SYNE2: variants seen among roughly 807,000 people sequenced by gnomAD.
The protein encoded by SYNE2 is nesprin-2.
Under a neutral mutation model 856.3 loss-of-function variants are expected in SYNE2, and 431 were observed. That is an observed-to-expected ratio of 0.50 (90% CI 0.47 to 0.55). The LOEUF (loss-of-function observed/expected upper bound fraction) is 0.55, where lower values mean the gene tolerates loss of function less well. Ranked by LOEUF, SYNE2 falls within the 20% of genes least tolerant of loss-of-function variation. The pLI is 0.00. For synonymous variants in SYNE2, 2,923 were observed against 2,872.3 expected (o/e 1.02, Z -0.56); for missense variants, 8,129 against 8,023.2 (o/e 1.01, Z -0.50).
chr14:63,993,737 C>A, intron 21 of SYNE2, 98 bp from the exon 22 acceptor site: 1 of 1,068,416 alleles, frequency 9.4e-7, no homozygotes, highest in Non-Finnish European at 1.4e-6. Context: ...TCCCACTTTA[C>A]CAGTTAAAGA....
intron 25 of SYNE2, 51 bp downstream of exon 25, chr14:63,997,442 A>G: frequency 2.9e-6 from 4 of 1,383,334 alleles, no homozygotes; most frequent in Non-Finnish European, 4.1e-6. Flanking sequence ...GTAAAAGACC[A>G]AGTGTACAAT....
intron 71 of SYNE2, among the ~76,000 whole-genome samples, chr14:64,126,024 C>G (rs1206046396): frequency 6.6e-6 from 1 of 152,192 alleles, no homozygotes; most frequent in Non-Finnish European, 1.5e-5. Flanking sequence ...TGTAATTTAT[C>G]TGGGACCACA....
At chr14:64,146,012 A>G (rs1481671299) in intron 83 of SYNE2, 56 bp from the exon 84 acceptor site, 2 of 1,305,374 alleles carry the variant, frequency 1.5e-6, no homozygotes, top group East Asian at 5.1e-5. Context: ...ACGTCATGGC[A>G]TTTACCTTTT....
intron 1 of SYNE2, among the ~76,000 whole-genome samples, chr14:63,854,065 C>A (rs1285494644): frequency 1.3e-5 from 2 of 151,896 alleles, no homozygotes; most frequent in East Asian, 3.9e-4. Context: ...TGAAAGGGAG[C>A]GTCTGAGCTG....
At chr14:64,204,201 G>A (rs1033919461) in intron 100 of SYNE2, among the ~76,000 whole-genome samples, 8 of 152,276 alleles carry the variant, frequency 5.3e-5, no homozygotes, top group South Asian at 4.1e-4. Context: ...TTTGCTTTGT[G>A]CAGAAAAGAA....
chr14:63,891,178 G>A (rs1336029068), intron 1 of SYNE2, among the ~76,000 whole-genome samples: 7 of 152,132 alleles, frequency 4.6e-5, no homozygotes, highest in Admixed American at 4.6e-4. Flanking sequence ...ACCCTCCTAG[G>A]TTCAGTGGCT....
At chr14:64,078,404 G>A (rs979852159) in intron 54 of SYNE2, 62 bp from the exon 55 acceptor site, 8 of 1,605,054 alleles carry the variant, frequency 5.0e-6, no homozygotes, top group East Asian at 2.2e-5. Context: ...TTTGTTGTTC[G>A]AACCTATGAA....
intron 1 of SYNE2, among the ~76,000 whole-genome samples, chr14:63,829,356 G>A (rs1889582556): frequency 6.6e-6 from 1 of 152,056 alleles, no homozygotes. Context: ...GGTCAAGGTT[G>A]CAGTGAGCCA....
rs946386688 is a variant in SYNE2, at chr14:64,129,883, G to T, written c.14121G>T (p.Gln4707His). The change falls in exon 75 of 116, where the codon CAG (glutamine) becomes CAT (histidine). Residue 4707 changes from glutamine to histidine, a missense_variant. Coordinates refer to ENST00000555002, the MANE Select transcript of SYNE2 (RefSeq NM_182914.3). ...TTCATTTACCTTATGCTTTACTCCA[G>T]GAGGTTTACAAATTAGAGGTATGCC... ...ERLHLPYALLQEVYKLEDVLD... is the reference protein window; with the variant it reads ...ERLHLPYALLHEVYKLEDVLD... 6.2e-7 allele frequency: 1 copy of T among 1,614,140 alleles called. No homozygotes were observed. The highest frequency in any genetic ancestry group is 1.7e-5 in the Admixed American group (1 of 60,016).
At chr14:63,953,074 G>A (rs759745302) in intron 7 of SYNE2, among the ~76,000 whole-genome samples, 61 of 152,342 alleles carry the variant, frequency 4.0e-4, no homozygotes, top group Admixed American at 5.9e-4. Context: ...TGGGGAATGA[G>A]TCTACAGTGG....
chr14:64,132,028 G>T (rs558757783), intron 76 of SYNE2, among the ~76,000 whole-genome samples: 6 of 151,932 alleles, frequency 3.9e-5, no homozygotes, highest in Non-Finnish European at 7.4e-5. Context: ...CCGCCTCCCG[G>T]GTTCAAATGA....
chr14:63,762,390 G>A (rs1166360500), intron 1 of SYNE2, among the ~76,000 whole-genome samples: 12 of 147,062 alleles, frequency 8.2e-5, no homozygotes, highest in African/African-American at 2.8e-4. Flanking sequence ...AGCTGAGACC[G>A]TGCCATTGCA....
At chr14:63,820,750 CTT>C (rs201007276) in intron 1 of SYNE2, among the ~76,000 whole-genome samples, 276 of 140,326 alleles carry the variant, frequency 2.0e-3, no homozygotes, top group Non-Finnish European at 2.4e-3. Context: ...CACAGGAGAA[CTT>C]TTTTTTTTTT....
chr14:63,980,882 G>T, intron 15 of SYNE2, 104 bp from the exon 16 acceptor site: 1 of 1,050,424 alleles, frequency 9.5e-7, no homozygotes. Flanking sequence ...TATTGTCAGA[G>T]TACATATTAT....
intron 1 of SYNE2, among the ~76,000 whole-genome samples, chr14:63,776,050 G>A (rs1489473819): frequency 6.6e-6 from 1 of 152,150 alleles, no homozygotes; most frequent in African/African-American, 2.4e-5. Context: ...GACTTTAAAT[G>A]AATGTTTATT....
intron 80 of SYNE2, 115 bp from the exon 81 acceptor site, chr14:64,141,226 G>A (rs1380420247): frequency 1.2e-4 from 95 of 773,756 alleles, no homozygotes; most frequent in Non-Finnish European, 1.6e-4. Context: ...GTGTGTGTGT[G>A]TATACACATT....
Position 64,014,968 on chromosome 14 carries a change from T to C in SYNE2, c.4729-1505T>C, listed in dbSNP as rs1349869953. 7.4e-3 allele frequency among the ~76,000 whole-genome samples: 501 copies of C among 67,374 alleles called. 4 individuals are homozygous for C. Among genetic ancestry groups the C allele is most frequent in the African/African-American group, 0.019 (408 of 21,800 alleles). The allele number at this position is 67,374 out of a possible 152,430, so 44.2% of individuals were successfully genotyped here. ...ATATATATATATATATATATATATA[T>C]ATATATACACACACACACACACACA... On this transcript the variant is annotated intron_variant, in intron 32 of 115. Coordinates refer to ENST00000555002, the MANE Select transcript of SYNE2 (RefSeq NM_182914.3).
chr14:63,876,042 G>A (rs917607752), intron 1 of SYNE2, among the ~76,000 whole-genome samples: 1 of 152,156 alleles, frequency 6.6e-6, no homozygotes, highest in African/African-American at 2.4e-5. Context: ...AGCGATTCCA[G>A]TTTAAACTAT....
At chr14:63,771,227 G>C (rs1397133351) in intron 1 of SYNE2, among the ~76,000 whole-genome samples, 1 of 151,124 alleles carries the variant, frequency 6.6e-6, no homozygotes, top group South Asian at 2.1e-4. Context: ...CCACCATCAC[G>C]CCCGGCTATT....
Sources: gnomAD v4.1 joint callset for allele counts (sites outside exome capture counted in the v4.1 genomes callset) on GRCh38, gnomAD v4.1.1 for gene constraint, MANE v1.5 for transcripts, NCBI Gene and HGNC (gene_info 2026-07-23, HGNC 2026-07-21) for gene names.